PTPRK: variants seen among roughly 807,000 people sequenced by gnomAD.
PTPRK encodes the protein protein tyrosine phosphatase receptor type K, also known as receptor-type tyrosine-protein phosphatase kappa.
In PTPRK, 75 loss-of-function variants were observed where a neutral mutation model predicts 178.0. The ratio of observed to expected loss-of-function variants is 0.42; its 90% CI spans 0.35 to 0.51. The LOEUF is 0.51. Among genes scored for constraint, PTPRK ranks in the 20% least tolerant of loss-of-function variants. The probability of loss-of-function intolerance (pLI) is 0.02; values close to 1 mark genes in which losing one functional copy is unlikely to be tolerated. For synonymous variants in PTPRK, 637 were observed against 620.6 expected (o/e 1.03, Z -0.39); for missense variants, 1,441 against 1,797.8 (o/e 0.80, Z 3.59).
At chr6:128,055,506 AT>A (rs544994140) in intron 13 of PTPRK, among the ~76,000 whole-genome samples, 12 of 151,598 alleles carry the variant, frequency 7.9e-5, no homozygotes, top group African/African-American at 1.7e-4. Context: ...TCATTTATAC[AT>A]TTTTTTTCTA....
At chr6:128,140,506 T>A (rs1464688493) in intron 7 of PTPRK, among the ~76,000 whole-genome samples, 1 of 151,992 alleles carries the variant, frequency 6.6e-6, no homozygotes, top group African/African-American at 2.4e-5. Context: ...AGTTCCCTGA[T>A]TCTTGCAACA....
intron 2 of PTPRK, among the ~76,000 whole-genome samples, chr6:128,380,394 A>G (rs1271982480): frequency 2.0e-5 from 3 of 151,944 alleles, no homozygotes; most frequent in Non-Finnish European, 4.4e-5. Context: ...TTCCCCTTAT[A>G]AACGCAACCT....
chr6:128,187,690 C>T (rs1583391644), intron 6 of PTPRK, among the ~76,000 whole-genome samples: 1 of 152,134 alleles, frequency 6.6e-6, no homozygotes, highest in Non-Finnish European at 1.5e-5. Context: ...GCCAGTTTTA[C>T]ATCTCACTTT....
At chr6:128,037,507 T>G (rs1225608361) in intron 13 of PTPRK, among the ~76,000 whole-genome samples, 1 of 152,194 alleles carries the variant, frequency 6.6e-6, no homozygotes, top group Non-Finnish European at 1.5e-5. Context: ...ATGCATATCT[T>G]AAAATAATAT....
intron 18 of PTPRK, among the ~76,000 whole-genome samples, chr6:127,994,739 T>C (rs1776955076): frequency 6.6e-6 from 1 of 151,962 alleles, no homozygotes; most frequent in Admixed American, 6.6e-5. Context: ...ACCTTTTTCA[T>C]TTCTGTGATT....
chr6:128,344,829 TA>T (rs1832189937), intron 2 of PTPRK, among the ~76,000 whole-genome samples: 2 of 152,152 alleles, frequency 1.3e-5, no homozygotes, highest in Non-Finnish European at 2.9e-5. Flanking sequence ...CCCTCACTTC[TA>T]AAGAGGACTT....
intron 3 of PTPRK, among the ~76,000 whole-genome samples, chr6:128,246,467 T>C (rs899190030): frequency 6.6e-6 from 1 of 152,166 alleles, no homozygotes; most frequent in Non-Finnish European, 1.5e-5. Context: ...CTCTTTTTAG[T>C]GACCTCATTT....
chr6:127,973,564 T>C, intron 28 of PTPRK, 100 bp downstream of exon 28: 1 of 1,354,618 alleles, frequency 7.4e-7, no homozygotes, highest in Admixed American at 2.1e-5. Flanking sequence ...ATAACATCTA[T>C]GGGAGGTCCA....
chr6:128,112,829 G>GTT, intron 7 of PTPRK, among the ~76,000 whole-genome samples: 1 of 152,068 alleles, frequency 6.6e-6, no homozygotes, highest in East Asian at 1.9e-4. Context: ...TGGTGAATTA[G>GTT]AATAGCCTGG....
chr6:128,186,041 G>GTCC (rs1802708338), intron 6 of PTPRK, among the ~76,000 whole-genome samples: 2 of 151,898 alleles, frequency 1.3e-5, no homozygotes, highest in Non-Finnish European at 2.9e-5. Flanking sequence ...AAGATTATCT[G>GTCC]GTCTGTACAG....
intron 13 of PTPRK, among the ~76,000 whole-genome samples, chr6:128,022,925 A>T (rs1773745726): frequency 6.6e-6 from 1 of 152,208 alleles, no homozygotes; most frequent in Non-Finnish European, 1.5e-5. Flanking sequence ...AAGATACTGG[A>T]GCCTGCCTCA....
Position 127,970,382 on chromosome 6 carries a change from A to G in PTPRK, c.4270-102T>C, listed in dbSNP as rs941121184. ...CTTGACAACCAATTTAGATTACTCAAGGATTACAATTTATTTTTTCTATAT... is the reference window on the plus strand; with the variant it reads ...CTTGACAACCAATTTAGATTACTCAGGGATTACAATTTATTTTTTCTATAT... On this transcript the variant is annotated intron_variant, in intron 29 of 29. Coordinates refer to ENST00000368226, the MANE Select transcript of PTPRK (RefSeq NM_002844.4). 4.9e-5 allele frequency: 40 copies of G among 820,316 alleles called. No individual in the cohort carries two copies. The African/African-American group carries it at 6.5e-4, about 13-fold the overall frequency. 50.8% of individuals were successfully genotyped at this position (820,316 alleles called of 1,614,324 possible).
chr6:128,047,146 C>T (rs4339480), intron 13 of PTPRK, among the ~76,000 whole-genome samples: 118,775 of 152,124 alleles, frequency 0.78, 47,448 homozygotes, highest in South Asian at 0.95. Context: ...ATGTCTTATG[C>T]ATTTGGATTT....
chr6:128,359,427 G>T (rs1218211815), intron 2 of PTPRK, among the ~76,000 whole-genome samples: 2 of 151,582 alleles, frequency 1.3e-5, no homozygotes, highest in African/African-American at 4.8e-5. Context: ...ATCCAAAAAT[G>T]AAAGTTATCT....
intron 1 of PTPRK, among the ~76,000 whole-genome samples, chr6:128,407,332 TCTCATCA>T (rs1841776325): frequency 6.6e-6 from 1 of 152,122 alleles, no homozygotes; most frequent in South Asian, 2.1e-4. Context: ...AATATTCTGA[TCTCATCA>T]GAGTTAGATG....
intron 2 of PTPRK, among the ~76,000 whole-genome samples, chr6:128,388,197 G>A (rs569396495): frequency 6.6e-6 from 1 of 152,076 alleles, no homozygotes; most frequent in East Asian, 1.9e-4. Flanking sequence ...AGTTTTTTGT[G>A]TTTATTTATT....
At chr6:128,359,473 C>G (rs1420796562) in intron 2 of PTPRK, among the ~76,000 whole-genome samples, 1 of 151,954 alleles carries the variant, frequency 6.6e-6, no homozygotes, top group East Asian at 1.9e-4. Flanking sequence ...GGTCCAGGGA[C>G]AGACGCAGTG....
chr6:128,325,430 C>T (rs1829417779), intron 2 of PTPRK, among the ~76,000 whole-genome samples: 1 of 151,820 alleles, frequency 6.6e-6, no homozygotes, highest in Non-Finnish European at 1.5e-5. Flanking sequence ...ATCCATTTGA[C>T]AAGGGAATAA....
chr6:128,312,460 A>C (rs1196683176), intron 3 of PTPRK, among the ~76,000 whole-genome samples: 1 of 152,086 alleles, frequency 6.6e-6, no homozygotes, highest in Non-Finnish European at 1.5e-5. Context: ...AGAAACTTTT[A>C]TTTCTGAAAC....
Sources: allele counts gnomAD v4.1 joint callset (sites outside exome capture counted in the v4.1 genomes callset), GRCh38; gene constraint gnomAD v4.1.1; transcripts MANE v1.5; gene names NCBI Gene and HGNC (gene_info 2026-07-23, HGNC 2026-07-21).